The following MECOM variants were observed in gnomAD, a reference collection of about 807,000 sequenced individuals.
MECOM encodes the protein histone-lysine N-methyltransferase MECOM.
In MECOM, 13 loss-of-function variants were observed where a neutral mutation model predicts 116.3. That is an observed-to-expected ratio of 0.11 (90% CI 0.07 to 0.18). The LOEUF is 0.18. Among genes scored for constraint, MECOM ranks in the 10% least tolerant of loss-of-function variants. The probability of loss-of-function intolerance (pLI) is 1.00; values close to 1 mark genes in which losing one functional copy is unlikely to be tolerated. For synonymous variants in MECOM, 528 were observed against 535.2 expected (o/e 0.99, Z 0.19); for missense variants, 1,299 against 1,509.0 (o/e 0.86, Z 2.31).
intron 1 of MECOM, among the ~76,000 whole-genome samples, chr3:169,448,396 C>T (rs1211661918): frequency 1.3e-5 from 2 of 152,144 alleles, no homozygotes; most frequent in African/African-American, 2.4e-5. Context: ...CACAACAATC[C>T]TTCAAGACAG....
At chr3:169,472,956 C>G (rs1749794574) in intron 1 of MECOM, 1 of 983,340 alleles carries the variant, frequency 1.0e-6, no homozygotes, top group African/African-American at 1.7e-5. Flanking sequence ...TTTGTCCCTA[C>G]CTGGTAGTTA....
At chr3:169,187,689 A>C (rs760079115) in intron 2 of MECOM, among the ~76,000 whole-genome samples, 5 of 152,140 alleles carry the variant, frequency 3.3e-5, no homozygotes, top group Non-Finnish European at 7.4e-5. Flanking sequence ...GCTGGCCTAC[A>C]ATAAATTTAT....
intron 1 of MECOM, among the ~76,000 whole-genome samples, chr3:169,542,817 G>C (rs1760256582): frequency 6.6e-6 from 1 of 152,122 alleles, no homozygotes; most frequent in African/African-American, 2.4e-5. Context: ...AAGTATTCTG[G>C]GGTTATCATT....
chr3:169,478,036 G>A (rs1251665563), intron 1 of MECOM, among the ~76,000 whole-genome samples: 1 of 152,164 alleles, frequency 6.6e-6, no homozygotes, highest in Non-Finnish European at 1.5e-5. Context: ...GAGGTCAACG[G>A]TGAACAAATG....
chr3:169,310,146 A>C (rs929108474), intron 2 of MECOM, among the ~76,000 whole-genome samples: 1 of 152,192 alleles, frequency 6.6e-6, no homozygotes, highest in African/African-American at 2.4e-5. Flanking sequence ...TTCCAATAAC[A>C]TTGTGTCTTT....
chr3:169,623,688 A>C (rs1208012916), intron 1 of MECOM, among the ~76,000 whole-genome samples: 1 of 152,112 alleles, frequency 6.6e-6, no homozygotes, highest in Non-Finnish European at 1.5e-5. Flanking sequence ...TAAGTTCATA[A>C]AGTTTAATTC....
intron 1 of MECOM, among the ~76,000 whole-genome samples, chr3:169,433,687 AAGAG>A (rs762474107): frequency 9.8e-4 from 107 of 109,084 alleles, no homozygotes; most frequent in African/African-American, 3.3e-3. Context: ...GAAAGAAAGA[AAGAG>A]AAAGAAAGAA....
intron 1 of MECOM, among the ~76,000 whole-genome samples, chr3:169,525,504 G>C (rs1757861529): frequency 6.6e-6 from 1 of 152,148 alleles, no homozygotes; most frequent in East Asian, 1.9e-4. Context: ...AGCCTTTAAT[G>C]CATATTAGAA....
At chr3:169,489,266 G>C (rs1752787840) in intron 1 of MECOM, among the ~76,000 whole-genome samples, 1 of 152,082 alleles carries the variant, frequency 6.6e-6, no homozygotes, top group Non-Finnish European at 1.5e-5. Context: ...ATTAAAGAAG[G>C]GGTTTTAACA....
intron 2 of MECOM, among the ~76,000 whole-genome samples, chr3:169,230,120 G>A (rs1753194873): frequency 6.6e-6 from 1 of 152,032 alleles, no homozygotes. Flanking sequence ...CAGGTGTCTT[G>A]AGGCAGCTAC....
intron 1 of MECOM, among the ~76,000 whole-genome samples, chr3:169,399,033 G>A (rs1471799617): frequency 1.3e-5 from 2 of 152,082 alleles, no homozygotes; most frequent in Non-Finnish European, 2.9e-5. Context: ...GGATCACAAA[G>A]TACATAAAAC....
chr3:169,648,901 C>G (rs1353494959), intron 1 of MECOM, among the ~76,000 whole-genome samples: 1 of 152,168 alleles, frequency 6.6e-6, no homozygotes, highest in Non-Finnish European at 1.5e-5. Flanking sequence ...GACAGTGGTG[C>G]TCTTGTAAGT....
intron 2 of MECOM, among the ~76,000 whole-genome samples, chr3:169,360,272 C>G (rs1459787789): frequency 9.1e-6 from 1 of 110,410 alleles, no homozygotes; most frequent in Non-Finnish European, 1.8e-5. Flanking sequence ...ACCTCAGACC[C>G]TAAAACTTAA....
intron 2 of MECOM, among the ~76,000 whole-genome samples, chr3:169,157,616 T>C (rs1742183151): frequency 6.6e-6 from 1 of 152,220 alleles, no homozygotes; most frequent in Admixed American, 6.5e-5. Flanking sequence ...GCTTTGAAAA[T>C]ATCTTTCTGT....
At chr3:169,099,545 G>C (rs1722864356) in intron 12 of MECOM, among the ~76,000 whole-genome samples, 1 of 152,130 alleles carries the variant, frequency 6.6e-6, no homozygotes, top group African/African-American at 2.4e-5. Context: ...TTTAAGTTTA[G>C]CTCCCTCTAG....
intron 1 of MECOM, 143 bp downstream of exon 1, chr3:169,663,193 T>G (rs1577354537): frequency 2.2e-6 from 2 of 902,486 alleles, no homozygotes; most frequent in Non-Finnish European, 1.7e-6. Context: ...AACCGGCAGG[T>G]TGCTGGGGCT....
intron 2 of MECOM, among the ~76,000 whole-genome samples, chr3:169,246,311 A>T (rs371397390): frequency 2.0e-5 from 3 of 152,162 alleles, no homozygotes; most frequent in South Asian, 4.1e-4. Context: ...CTCTAGCAGG[A>T]AGACTATATT....
intron 2 of MECOM, among the ~76,000 whole-genome samples, chr3:169,170,473 A>G (rs982856395): frequency 6.6e-6 from 1 of 151,910 alleles, no homozygotes; most frequent in African/African-American, 2.4e-5. Context: ...CCCTCGAATT[A>G]CATTGTTTCC....
intron 3 of MECOM, among the ~76,000 whole-genome samples, chr3:169,135,443 G>A (rs1177953896): frequency 1.3e-5 from 2 of 151,888 alleles, no homozygotes; most frequent in Non-Finnish European, 2.9e-5. Flanking sequence ...TCTATGAGAA[G>A]AAAAAACTCA....
Sources: gnomAD v4.1 joint callset for allele counts (sites outside exome capture counted in the v4.1 genomes callset) on GRCh38, gnomAD v4.1.1 for gene constraint, MANE v1.5 for transcripts, NCBI Gene and HGNC (gene_info 2026-07-23, HGNC 2026-07-21) for gene names.